Variants in SMOC1 observed in about 807,000 individuals in gnomAD.
The protein encoded by SMOC1 is SPARC-related modular calcium-binding protein 1.
Under a neutral mutation model 56.3 loss-of-function variants are expected in SMOC1, and 22 were observed. That is an observed-to-expected ratio of 0.39 (90% CI 0.28 to 0.56). The LOEUF (loss-of-function observed/expected upper bound fraction) is 0.56. Ranked by LOEUF, SMOC1 falls within the 20% of genes least tolerant of loss-of-function variation. The pLI is 0.61. For missense variants in SMOC1, 509 were observed against 565.4 expected, an observed-to-expected ratio of 0.90 and a Z score of 1.01; for synonymous variants, 193 against 215.0, an observed-to-expected ratio of 0.90 and a Z score of 0.89.
chr14:69,978,910 A>T (rs1884075280), intron 5 of SMOC1, among the ~76,000 whole-genome samples: 1 of 152,066 alleles, frequency 6.6e-6, no homozygotes, highest in African/African-American at 2.4e-5. Flanking sequence ...CATGGAAGAC[A>T]GTTGGAGGCT....
intron 1 of SMOC1, among the ~76,000 whole-genome samples, chr14:69,918,273 G>A (rs1421375021): frequency 6.6e-6 from 1 of 151,342 alleles, no homozygotes; most frequent in African/African-American, 2.4e-5. Context: ...CTGTTGCCCA[G>A]GCTGGAGTGC....
chr14:70,010,039 C>T (rs530837859), intron 7 of SMOC1, among the ~76,000 whole-genome samples: 5 of 152,190 alleles, frequency 3.3e-5, no homozygotes, highest in East Asian at 1.9e-4. Flanking sequence ...GGGACTGGCT[C>T]GGGGGAAACC....
chr14:69,952,066 G>C, intron 1 of SMOC1, 72 bp from the exon 2 acceptor site: 1 of 1,547,220 alleles, frequency 6.5e-7, no homozygotes, highest in African/African-American at 1.4e-5. Flanking sequence ...AACAAGTACT[G>C]TAAGTCATGG....
Position 69,879,832 on chromosome 14 carries a change from C to T in SMOC1, c.99+55C>T, listed in dbSNP as rs1883585855. 7 of 1,448,954 alleles carry T rather than the reference C, an allele frequency of 4.8e-6. No homozygotes were observed. In the South Asian group the frequency reaches 8.8e-5, roughly 18 times the overall value. 89.8% of individuals were successfully genotyped at this position (1,448,954 alleles called of 1,614,324 possible). On this transcript the variant is annotated intron_variant, in intron 1 of 11. Coordinates refer to ENST00000361956, the MANE Select transcript of SMOC1 (RefSeq NM_001034852.3). ...TGCGGAGGGAGGGGAGGTTGCTTCC[C>T]CCCTCATCCCTGAGGGAAGGAGGAG...
intron 7 of SMOC1, among the ~76,000 whole-genome samples, chr14:69,997,619 C>G (rs938797766): frequency 2.0e-5 from 3 of 152,030 alleles, no homozygotes; most frequent in African/African-American, 7.2e-5. Flanking sequence ...GTAGGTATAC[C>G]ATAAATGATT....
intron 1 of SMOC1, among the ~76,000 whole-genome samples, chr14:69,906,404 A>T (rs1884409288): frequency 6.6e-6 from 1 of 151,866 alleles, no homozygotes; most frequent in African/African-American, 2.4e-5. Flanking sequence ...TCGTCTGGCC[A>T]ACAGCCTCAG....
chr14:69,967,948 C>T (rs1883630212), intron 3 of SMOC1, among the ~76,000 whole-genome samples: 1 of 152,206 alleles, frequency 6.6e-6, no homozygotes, highest in Admixed American at 6.5e-5. Context: ...AAGAATTACA[C>T]CATCCCTTCC....
intron 1 of SMOC1, chr14:69,885,266 C>CTTTT (rs201984545): frequency 3.0e-4 from 216 of 716,224 alleles, no homozygotes; most frequent in South Asian, 1.1e-3. Context: ...CGAACAACTT[C>CTTTT]TTTTTTTTTT....
intron 3 of SMOC1, among the ~76,000 whole-genome samples, chr14:69,964,755 T>C (rs1316742100): frequency 2.0e-5 from 3 of 152,194 alleles, no homozygotes; most frequent in Non-Finnish European, 2.9e-5. Context: ...GCCTGACACA[T>C]GTTAAGTTAT....
chr14:69,994,258 C>A, intron 6 of SMOC1, 142 bp from the exon 7 acceptor site: 1 of 775,546 alleles, frequency 1.3e-6, no homozygotes, highest in Admixed American at 1.7e-5. Context: ...GGGAGGGGAA[C>A]TGGGAGGAGT....
chr14:70,002,856 T>C (rs1157789497), intron 7 of SMOC1, among the ~76,000 whole-genome samples: 1 of 152,224 alleles, frequency 6.6e-6, no homozygotes, highest in Non-Finnish European at 1.5e-5. Flanking sequence ...CCATAAATCA[T>C]GGAGTGCAGC....
intron 10 of SMOC1, among the ~76,000 whole-genome samples, chr14:70,015,865 T>G (rs1594857024): frequency 6.6e-6 from 1 of 152,156 alleles, no homozygotes; most frequent in Admixed American, 6.5e-5. Context: ...TGTTGTTTCA[T>G]GCAAAAACAG....
At chr14:69,960,574 T>C (rs1187672180) in intron 3 of SMOC1, among the ~76,000 whole-genome samples, 2 of 152,184 alleles carry the variant, frequency 1.3e-5, no homozygotes, top group African/African-American at 4.8e-5. Context: ...GGGCACTTAT[T>C]GCTTTTCTTT....
intron 7 of SMOC1, among the ~76,000 whole-genome samples, chr14:69,994,861 C>G (rs928756915): frequency 5.9e-5 from 9 of 152,178 alleles, no homozygotes; most frequent in African/African-American, 2.2e-4. Context: ...TGCTTACAGT[C>G]ATGTCTTCTC....
intron 1 of SMOC1, among the ~76,000 whole-genome samples, chr14:69,913,484 G>T (rs1594798672): frequency 6.6e-6 from 1 of 152,228 alleles, no homozygotes; most frequent in East Asian, 1.9e-4. Context: ...GTGTGTGTGT[G>T]TTCCAAACAG....
At chr14:69,993,668 A>G (rs190635945) in intron 6 of SMOC1, among the ~76,000 whole-genome samples, 3 of 152,322 alleles carry the variant, frequency 2.0e-5, no homozygotes, top group East Asian at 3.9e-4. Flanking sequence ...TTCATGTCTA[A>G]AAGTTTAGAT....
chr14:69,895,139 T>G (rs1248403712), intron 1 of SMOC1, among the ~76,000 whole-genome samples: 1 of 152,230 alleles, frequency 6.6e-6, no homozygotes, highest in Non-Finnish European at 1.5e-5. Flanking sequence ...TAAGTTGGCT[T>G]TGGCCAATTC....
intron 1 of SMOC1, among the ~76,000 whole-genome samples, chr14:69,898,639 T>C (rs1884159148): frequency 6.6e-6 from 1 of 152,216 alleles, no homozygotes; most frequent in South Asian, 2.1e-4. Flanking sequence ...TTTTTGATTA[T>C]TTCTCAGAAT....
At chr14:69,958,882 A>G (rs1883276409) in intron 3 of SMOC1, among the ~76,000 whole-genome samples, 1 of 152,244 alleles carries the variant, frequency 6.6e-6, no homozygotes, top group Admixed American at 6.5e-5. Context: ...CTTATGTAAT[A>G]TATTTGTGTA....
Sources: allele counts gnomAD v4.1 joint callset (sites outside exome capture counted in the v4.1 genomes callset), GRCh38; gene constraint gnomAD v4.1.1; transcripts MANE v1.5; gene names NCBI Gene and HGNC (gene_info 2026-07-23, HGNC 2026-07-21).